BICD1: variants seen among roughly 807,000 people sequenced by gnomAD.
BICD1 encodes BICD cargo adaptor 1.
A neutral mutation model predicts 92.5 loss-of-function variants in BICD1; 35 were observed. The ratio of observed to expected loss-of-function variants is 0.38; its 90% confidence interval spans 0.29 to 0.50. The LOEUF is 0.50. Ranked by LOEUF, BICD1 falls within the 20% of genes least tolerant of loss-of-function variation. The probability of loss-of-function intolerance (pLI) is 0.93; values close to 1 mark genes in which losing one functional copy is unlikely to be tolerated. For synonymous variants in BICD1, 429 were observed against 465.1 expected (o/e 0.92, Z 1.00); for missense variants, 950 against 1,189.8 (o/e 0.80, Z 2.97).
At position 32,301,948 on chromosome 12, in the gene BICD1, G is replaced by A. The variant is rs867059187; in HGVS notation, c.580-3749G>A. Among the ~76,000 whole-genome samples, 7 of 152,040 alleles carry A rather than the reference G, an allele frequency of 4.6e-5. No homozygotes were observed. The East Asian group carries it at 7.7e-4, about 17-fold the overall frequency. ...GTCGCCCAGGCTGGAGTGCAGTGGC[G>A]CGATCTCGGCTCACTGCAACCTCTG... On this transcript the variant is annotated intron_variant, in intron 3 of 9. Coordinates refer to ENST00000652176, the MANE Select transcript of BICD1 (RefSeq NM_001714.4).
rs745571677 is a variant in BICD1, at chr12:32,338,983, A to G, written c.2764+4A>G. 3.2e-6 allele frequency: 5 copies of G among 1,587,012 alleles called. No individual in the cohort carries two copies. In the East Asian group the frequency reaches 1.2e-4, roughly 37 times the overall value. ...AGGTTAACCGTGGCTCCACCAGGTA[A>G]ACATTTTTTCCTTGGGTGCATGTGA... On this transcript the variant is annotated splice_donor_region_variant and intron_variant, in intron 8 of 9. Coordinates refer to ENST00000652176, the MANE Select transcript of BICD1 (RefSeq NM_001714.4).
At chr12:32,342,505 CCTCCCAAAGTGCTG>C (rs1305000918) in intron 8 of BICD1, among the ~76,000 whole-genome samples, 2 of 151,922 alleles carry the variant, frequency 1.3e-5, no homozygotes, top group Non-Finnish European at 2.9e-5. Context: ...GCCATCTCGG[CCTCCCAAAGTGCTG>C]GGATTACAGG....
intron 8 of BICD1, among the ~76,000 whole-genome samples, chr12:32,346,561 TATATATATATATATATATATAC>T (rs1938592291): frequency 6.9e-5 from 2 of 28,890 alleles, no homozygotes; most frequent in African/African-American, 2.3e-4. Context: ...TATATATATA[TATATATATATATATATATATAC>T]GTGTATATAT....
intron 1 of BICD1, among the ~76,000 whole-genome samples, chr12:32,146,158 T>G (rs776973386): frequency 6.6e-6 from 1 of 152,254 alleles, no homozygotes; most frequent in African/African-American, 2.4e-5. Flanking sequence ...CAGCGTTAAG[T>G]TGACAGTTAT....
At chr12:32,214,674 C>G (rs1291939316) in intron 1 of BICD1, among the ~76,000 whole-genome samples, 4 of 152,150 alleles carry the variant, frequency 2.6e-5, no homozygotes, top group African/African-American at 9.7e-5. Context: ...AGTTTACCAA[C>G]AAGACTATAT....
intron 2 of BICD1, among the ~76,000 whole-genome samples, chr12:32,249,171 A>G (rs1410752725): frequency 6.6e-6 from 1 of 152,166 alleles, no homozygotes; most frequent in African/African-American, 2.4e-5. Flanking sequence ...AAGGAACTTC[A>G]GGTGGGTAGG....
chr12:32,113,626 C>T (rs1565522517), intron 1 of BICD1, among the ~76,000 whole-genome samples: 1 of 151,880 alleles, frequency 6.6e-6, no homozygotes, highest in African/African-American at 2.4e-5. Flanking sequence ...CCACTGCAAC[C>T]TTTGCCTCCT....
chr12:32,276,364 T>C (rs539041712), intron 2 of BICD1, among the ~76,000 whole-genome samples: 81 of 152,334 alleles, frequency 5.3e-4, no homozygotes, highest in African/African-American at 1.8e-3. Flanking sequence ...GAGACAGGAC[T>C]AGCTGGATTT....
chr12:32,177,389 G>A (rs897695791), intron 1 of BICD1, among the ~76,000 whole-genome samples: 9 of 149,046 alleles, frequency 6.0e-5, no homozygotes, highest in Non-Finnish European at 8.9e-5. Context: ...TTTGCTGATA[G>A]GTATAATTTT....
intron 1 of BICD1, among the ~76,000 whole-genome samples, chr12:32,181,027 T>G (rs1333612486): frequency 6.6e-6 from 1 of 151,868 alleles, no homozygotes; most frequent in Non-Finnish European, 1.5e-5. Flanking sequence ...TACCCAGAAA[T>G]TGAAATATTA....
At chr12:32,275,311 C>T (rs912313705) in intron 2 of BICD1, among the ~76,000 whole-genome samples, 1 of 152,016 alleles carries the variant, frequency 6.6e-6, no homozygotes, top group Non-Finnish European at 1.5e-5. Context: ...GGAACCCTGG[C>T]GGGATAGATA....
intron 9 of BICD1, among the ~76,000 whole-genome samples, chr12:32,374,011 C>T (rs929442339): frequency 6.6e-6 from 1 of 151,530 alleles, no homozygotes; most frequent in East Asian, 2.0e-4. Flanking sequence ...GTCAGGAGTT[C>T]GAGACCAGCC....
intron 6 of BICD1, among the ~76,000 whole-genome samples, chr12:32,336,357 A>G (rs188446678): frequency 2.8e-4 from 42 of 152,354 alleles, no homozygotes; most frequent in African/African-American, 9.9e-4. Flanking sequence ...CTTCTTCGGC[A>G]CAAGTATGAA....
intron 2 of BICD1, among the ~76,000 whole-genome samples, chr12:32,229,075 C>A (rs1380920870): frequency 6.6e-6 from 1 of 152,038 alleles, no homozygotes; most frequent in African/African-American, 2.4e-5. Flanking sequence ...CATGACAAAA[C>A]CCCATCTGTA....
intron 2 of BICD1, among the ~76,000 whole-genome samples, chr12:32,229,775 C>G (rs919690398): frequency 6.6e-6 from 1 of 152,074 alleles, no homozygotes; most frequent in Admixed American, 6.6e-5. Flanking sequence ...GGCTCACGTG[C>G]AAGTTGTTGG....
At position 32,380,011 on chromosome 12, in the gene BICD1, T is replaced by C. The variant is rs919455143; in HGVS notation, c.*2384T>C. 2.6e-5 allele frequency: 4 copies of C among 152,240 alleles called. No individual in the cohort carries two copies. The highest frequency in any genetic ancestry group is 9.6e-5 in the African/African-American group (4 of 41,466). The allele number at this position is 152,240 out of a possible 1,614,324, so 9.4% of individuals were successfully genotyped here. A position where few individuals can be genotyped will look rare whatever the true frequency, so the allele number is the denominator to read the frequency against. On this transcript the variant is annotated 3_prime_UTR_variant, in exon 10 of 10. Transcript: ENST00000652176. Reference sequence around the variant, plus strand: ...TTATTACGTCTATTATAAACTAGTTTCATTTCAGTTATTTATCTTCATAGA... The same window carrying C: ...TTATTACGTCTATTATAAACTAGTTCCATTTCAGTTATTTATCTTCATAGA...
chr12:32,228,118 C>A, intron 2 of BICD1: 1 of 200,936 alleles, frequency 5.0e-6, no homozygotes, highest in Non-Finnish European at 1.1e-5. Flanking sequence ...TTCTTGATCA[C>A]TCTGCCACCC....
At chr12:32,154,206 A>G (rs1943371688) in intron 1 of BICD1, among the ~76,000 whole-genome samples, 1 of 151,992 alleles carries the variant, frequency 6.6e-6, no homozygotes, top group African/African-American at 2.4e-5. Flanking sequence ...CCAGTTCTCA[A>G]TATTTTGGGT....
At chr12:32,123,416 A>G (rs1942223233) in intron 1 of BICD1, among the ~76,000 whole-genome samples, 1 of 152,262 alleles carries the variant, frequency 6.6e-6, no homozygotes, top group Non-Finnish European at 1.5e-5. Context: ...CTCTGCATAC[A>G]TTCAAGCACG....
Sources: gnomAD v4.1 joint callset for allele counts (sites outside exome capture counted in the v4.1 genomes callset) on GRCh38, gnomAD v4.1.1 for gene constraint, MANE v1.5 for transcripts, NCBI Gene and HGNC (gene_info 2026-07-23, HGNC 2026-07-21) for gene names.